The following MAN1A2 variants were observed in gnomAD, a reference collection of about 807,000 sequenced individuals.
MAN1A2 encodes mannosyl-oligosaccharide 1,2-alpha-mannosidase IB.
Under a neutral mutation model 75.7 loss-of-function variants are expected in MAN1A2, and 26 were observed. The ratio of observed to expected loss-of-function variants is 0.34; its 90% CI spans 0.25 to 0.48. The LOEUF (loss-of-function observed/expected upper bound fraction) is 0.48, where lower values mean the gene tolerates loss of function less well. Ranked by LOEUF, MAN1A2 falls within the 20% of genes least tolerant of loss-of-function variation. MAN1A2 has a pLI of 0.99. For synonymous variants in MAN1A2, 247 were observed against 264.6 expected, an observed-to-expected ratio of 0.93 and a Z score of 0.65; for missense variants, 562 against 775.5, an observed-to-expected ratio of 0.72 and a Z score of 3.27.
At chr1:117,518,180 A>G (rs993042361) in intron 12 of MAN1A2, among the ~76,000 whole-genome samples, 20 of 152,000 alleles carry the variant, frequency 1.3e-4, no homozygotes, top group Non-Finnish European at 2.6e-4. Flanking sequence ...GTGAAAATGC[A>G]TAATTTAAAA....
At chr1:117,405,506 G>T in intron 2 of MAN1A2, 43 bp from the exon 3 acceptor site, 2 of 1,234,310 alleles carry the variant, frequency 1.6e-6, no homozygotes, top group Non-Finnish European at 2.4e-6. Context: ...AAAACAGTTT[G>T]TGAAAAATTT....
At chr1:117,377,124 T>C (rs75429785) in intron 1 of MAN1A2, among the ~76,000 whole-genome samples, 21,588 of 152,222 alleles carry the variant, frequency 0.14, 1,753 homozygotes, top group South Asian at 0.22. Context: ...ATGTTTATAA[T>C]GTTATACATG....
At position 117,368,227 on chromosome 1, in the gene MAN1A2, C is replaced by T. The variant is rs773340306; in HGVS notation, c.44C>T (p.Pro15Leu). The T allele has an allele frequency of 5.6e-6, 9 of 1,613,836 alleles. No homozygotes were observed. The African/African-American group carries it at 8.0e-5, about 14-fold the overall frequency. Residue 15 changes from proline (P) to leucine (L), a missense_variant, in exon 1 of 13, where the codon CCA becomes CTA. Physicochemically the swap from Pro to Leu is moderately conservative, Grantham distance 98. Transcript: ENST00000356554. The stretch of plus-strand genomic sequence containing the variant: ...CTGCCCCTCTCTGGACGTAGGATAC[C>T]ACCTCTGAACCTGGGGCCGCCTTCC... ...ALLPLSGRRI[P>L]PLNLGPPSFP... is the part of the protein sequence containing the mutation.
At chr1:117,397,226 AAAAT>A (rs1487335451) in intron 1 of MAN1A2, among the ~76,000 whole-genome samples, 1 of 152,108 alleles carries the variant, frequency 6.6e-6, no homozygotes, top group East Asian at 1.9e-4. Flanking sequence ...GGAACAAATA[AAAAT>A]AAATCTATAG....
chr1:117,421,335 A>G (rs992456796), intron 5 of MAN1A2, among the ~76,000 whole-genome samples: 1 of 152,188 alleles, frequency 6.6e-6, no homozygotes, highest in South Asian at 2.1e-4. Flanking sequence ...TAGATTTAAG[A>G]AAATTTACCT....
chr1:117,428,111 CTA>C (rs1491088844), intron 5 of MAN1A2, among the ~76,000 whole-genome samples: 2 of 130,292 alleles, frequency 1.5e-5, no homozygotes, highest in Non-Finnish European at 3.4e-5. Flanking sequence ...CTCTCTCTCT[CTA>C]TTTTTTTTTT....
chr1:117,402,038 T>G, intron 1 of MAN1A2, 148 bp from the exon 2 acceptor site: 1 of 680,238 alleles, frequency 1.5e-6, no homozygotes, highest in Non-Finnish European at 2.4e-6. Flanking sequence ...CAGATCTGAA[T>G]GTGTCTCACT....
At chr1:117,489,532 C>T (rs1188173997) in intron 8 of MAN1A2, among the ~76,000 whole-genome samples, 6 of 151,870 alleles carry the variant, frequency 4.0e-5, no homozygotes, top group Non-Finnish European at 4.4e-5. Flanking sequence ...TGTCAGGAGT[C>T]GTCGTTTATG....
chr1:117,383,232 C>T (rs558312259), intron 1 of MAN1A2, among the ~76,000 whole-genome samples: 50 of 151,168 alleles, frequency 3.3e-4, no homozygotes, highest in Middle Eastern at 6.8e-3. Flanking sequence ...AGCATAAGTC[C>T]TTTCACTCTA....
In MAN1A2 at chr1:117,523,466, A is replaced by T; in HGVS notation, c.*509A>T. On this transcript the variant is annotated 3_prime_UTR_variant, in exon 13 of 13. Coordinates refer to ENST00000356554, the MANE Select transcript of MAN1A2 (RefSeq NM_006699.5). ...ACAAGAACAAAAGAATAGTATAATTATATCAGTAACAAGAAGACTCAAAAA... is the reference window on the plus strand; with the variant it reads ...ACAAGAACAAAAGAATAGTATAATTTTATCAGTAACAAGAAGACTCAAAAA... The T allele has an allele frequency of 3.7e-6, 1 of 269,434 alleles. No homozygotes were observed. Among genetic ancestry groups the T allele is most frequent in the Non-Finnish European group, 7.5e-6 (1 of 134,068 alleles). 16.7% of individuals were successfully genotyped at this position (269,434 alleles called of 1,614,324 possible).
At chr1:117,420,065 A>G (rs1287696983) in intron 4 of MAN1A2, among the ~76,000 whole-genome samples, 2 of 152,072 alleles carry the variant, frequency 1.3e-5, no homozygotes, top group Non-Finnish European at 2.9e-5. Flanking sequence ...TTTTCTCAAC[A>G]TTATTATTGA....
chr1:117,399,236 G>GT (rs1354078862), intron 1 of MAN1A2, among the ~76,000 whole-genome samples: 7 of 152,158 alleles, frequency 4.6e-5, no homozygotes, highest in Non-Finnish European at 1.0e-4. Flanking sequence ...ATACCTGTTC[G>GT]TGGAAGCTCA....
In MAN1A2 at chr1:117,502,874, G is replaced by A. The variant is rs770714452; in HGVS notation, c.1697G>A (p.Arg566Gln). 5.0e-6 allele frequency: 8 copies of A among 1,599,700 alleles called. No individual in the cohort carries two copies. The highest frequency in any genetic ancestry group is 1.7e-4 in the Middle Eastern group (1 of 6,024). The change falls in exon 12 of 13, where the codon CGA (arginine) becomes CAA (glutamine). Residue 566 changes from arginine (R) to glutamine (Q), a missense_variant. This residue lies in a region of MAN1A2 where 434 missense variants were observed against 645.7 expected (regional missense o/e 0.67). Coordinates refer to ENST00000356554, the MANE Select transcript of MAN1A2 (RefSeq NM_006699.5). ...TCATAGGCCATTGAAAAGTATTGCC[G>A]AGTTAATGGTGGGTTTTCTGGAGTC... The part of the protein sequence containing the change: ...EAALAIEKYC[R>Q]VNGGFSGVKD...
chr1:117,442,410 T>C (rs574762164), intron 6 of MAN1A2, 85 bp downstream of exon 6: 1 of 794,782 alleles, frequency 1.3e-6, no homozygotes, highest in East Asian at 2.5e-5. Context: ...ACCCCCACAT[T>C]TTTTTTAAAG....
chr1:117,479,773 C>T (rs1162683735), intron 8 of MAN1A2, among the ~76,000 whole-genome samples: 1 of 151,416 alleles, frequency 6.6e-6, no homozygotes, highest in Non-Finnish European at 1.5e-5. Context: ...TCTTATTGTG[C>T]ATTATTTTTT....
At chr1:117,377,547 G>T (rs898792648) in intron 1 of MAN1A2, among the ~76,000 whole-genome samples, 8 of 152,126 alleles carry the variant, frequency 5.3e-5, no homozygotes, top group Admixed American at 3.9e-4. Context: ...TCACAAATCA[G>T]TGCACAAAGA....
chr1:117,372,206 G>A (rs1652985944), intron 1 of MAN1A2, among the ~76,000 whole-genome samples: 1 of 152,146 alleles, frequency 6.6e-6, no homozygotes, highest in Non-Finnish European at 1.5e-5. Context: ...AGTTAAGAGG[G>A]GCTGGGTCAC....
At chr1:117,374,443 T>C (rs530910973) in intron 1 of MAN1A2, among the ~76,000 whole-genome samples, 1 of 152,356 alleles carries the variant, frequency 6.6e-6, no homozygotes, top group South Asian at 2.1e-4. Context: ...ACTTTATTCC[T>C]GTTAAAACAT....
At chr1:117,512,018 A>T (rs1402299256) in intron 12 of MAN1A2, among the ~76,000 whole-genome samples, 1 of 152,120 alleles carries the variant, frequency 6.6e-6, no homozygotes, top group Non-Finnish European at 1.5e-5. Flanking sequence ...AAACCCCAGC[A>T]ATTTTATAAG....
Sources: allele counts gnomAD v4.1 joint callset (sites outside exome capture counted in the v4.1 genomes callset), GRCh38; gene constraint gnomAD v4.1.1; regional missense constraint gnomAD v4.1.1; transcripts MANE v1.5; gene names NCBI Gene and HGNC (gene_info 2026-07-23, HGNC 2026-07-21).